The following ROBO1 variants were observed in gnomAD, a reference collection of about 807,000 sequenced individuals.
ROBO1 encodes the protein roundabout guidance receptor 1.
In ROBO1, 149 loss-of-function variants were observed where a neutral mutation model predicts 195.9. That is an observed-to-expected ratio of 0.76 (90% confidence interval 0.67 to 0.87). The LOEUF (loss-of-function observed/expected upper bound fraction) is 0.87, where lower values mean the gene tolerates loss of function less well. Ranked by LOEUF, ROBO1 falls within the 40% of genes least tolerant of loss-of-function variation. The probability of loss-of-function intolerance (pLI) is 0.00; values close to 1 mark genes in which losing one functional copy is unlikely to be tolerated. For missense variants in ROBO1, 1,933 were observed against 2,068.3 expected, an observed-to-expected ratio of 0.93 and a Z score of 1.27; for synonymous variants, 816 against 733.2, an observed-to-expected ratio of 1.11 and a Z score of -1.82.
At chr3:79,728,712 G>A (rs1306190566) in intron 1 of ROBO1, among the ~76,000 whole-genome samples, 2 of 152,010 alleles carry the variant, frequency 1.3e-5, no homozygotes, top group African/African-American at 4.8e-5. Context: ...AATAGCATAA[G>A]CCAGAAAAAG....
chr3:79,727,864 G>A (rs1702984817), intron 1 of ROBO1, among the ~76,000 whole-genome samples: 1 of 152,078 alleles, frequency 6.6e-6, no homozygotes, highest in African/African-American at 2.4e-5. Flanking sequence ...ACATTTTAGA[G>A]ACAACACATA....
intron 2 of ROBO1, among the ~76,000 whole-genome samples, chr3:79,511,317 C>T (rs1940692135): frequency 6.6e-6 from 1 of 151,888 alleles, no homozygotes; most frequent in Admixed American, 6.6e-5. Context: ...TAAATACTAC[C>T]CAACATTATT....
intron 3 of ROBO1, among the ~76,000 whole-genome samples, chr3:79,023,018 G>A (rs1221521853): frequency 1.3e-5 from 2 of 152,138 alleles, no homozygotes; most frequent in Admixed American, 6.5e-5. Context: ...CACTTACTCC[G>A]ATGAGTAGGA....
chr3:79,601,203 C>T (rs1463362142), intron 1 of ROBO1, among the ~76,000 whole-genome samples: 2 of 151,736 alleles, frequency 1.3e-5, no homozygotes, highest in Non-Finnish European at 2.9e-5. Context: ...AAATTCTAAA[C>T]GAAAGCACCA....
At chr3:79,179,588 G>A (rs1004353637) in intron 2 of ROBO1, among the ~76,000 whole-genome samples, 3 of 152,176 alleles carry the variant, frequency 2.0e-5, no homozygotes, top group African/African-American at 7.2e-5. Flanking sequence ...GAATATAATG[G>A]GTATTTTCAT....
chr3:79,015,237 T>C (rs964599263), intron 3 of ROBO1, among the ~76,000 whole-genome samples: 13 of 152,030 alleles, frequency 8.6e-5, no homozygotes, highest in African/African-American at 3.1e-4. Context: ...ACTAGCCAGA[T>C]CGTATCGGAA....
intron 1 of ROBO1, among the ~76,000 whole-genome samples, chr3:79,738,496 G>T (rs1703485063): frequency 1.3e-5 from 2 of 152,176 alleles, no homozygotes; most frequent in African/African-American, 4.8e-5. Flanking sequence ...CCTCCAGTTA[G>T]AAAATAATAA....
intron 1 of ROBO1, among the ~76,000 whole-genome samples, chr3:79,713,484 A>G (rs886377640): frequency 6.6e-6 from 1 of 152,142 alleles, no homozygotes; most frequent in Admixed American, 6.6e-5. Flanking sequence ...TTCCTGGGTT[A>G]CTTAGAAGAG....
At chr3:79,134,021 G>A (rs2080347240) in intron 2 of ROBO1, among the ~76,000 whole-genome samples, 1 of 151,270 alleles carries the variant, frequency 6.6e-6, no homozygotes, top group Non-Finnish European at 1.5e-5. Context: ...GGCAACAAAA[G>A]CCAAAATTGA....
At chr3:79,723,760 AACTT>A (rs1440251768) in intron 1 of ROBO1, among the ~76,000 whole-genome samples, 1 of 151,300 alleles carries the variant, frequency 6.6e-6, no homozygotes, top group African/African-American at 2.4e-5. Flanking sequence ...AGTAATATGA[AACTT>A]AATTAAACTT....
At chr3:79,276,847 G>A (rs1168098788) in intron 2 of ROBO1, among the ~76,000 whole-genome samples, 3 of 151,866 alleles carry the variant, frequency 2.0e-5, no homozygotes, top group African/African-American at 7.3e-5. Flanking sequence ...CATACAAATG[G>A]CAACAGGTTT....
At chr3:79,163,999 C>A (rs1409047219) in intron 2 of ROBO1, among the ~76,000 whole-genome samples, 1 of 152,066 alleles carries the variant, frequency 6.6e-6, no homozygotes, top group African/African-American at 2.4e-5. Flanking sequence ...AGATCTCACC[C>A]TGCAATTAAA....
rs756094816 is a variant in ROBO1 at position 78,688,737 on chromosome 3, C to T, written c.1081G>A (p.Val361Ile). The T allele has an allele frequency of 6.2e-7, 1 of 1,609,410 alleles. No homozygotes were observed. Among genetic ancestry groups the T allele is most frequent in the Non-Finnish European group, 8.5e-7 (1 of 1,177,788 alleles). The change falls in exon 9 of 31, where the codon GTT (valine) becomes ATT (isoleucine). Residue 361 changes from valine (V) to isoleucine (I), a missense_variant. Val to Ile is a conservative substitution (Grantham distance 29). Coordinates refer to ENST00000464233, the MANE Select transcript of ROBO1 (RefSeq NM_002941.4). ...GTTACAGTCCGTCCCAAAGCAACAACCTGGTCACGGGGTTTCACAACAAAA... is the reference window on the plus strand; with the variant it reads ...GTTACAGTCCGTCCCAAAGCAACAATCTGGTCACGGGGTTTCACAACAAAA... ...PHFVVKPRDQ[V>I]VALGRTVTFQ...
At chr3:79,688,916 C>T (rs1003223727) in intron 1 of ROBO1, among the ~76,000 whole-genome samples, 6 of 151,990 alleles carry the variant, frequency 3.9e-5, no homozygotes, top group African/African-American at 1.4e-4. Context: ...AAATTATCTA[C>T]AATTTATCAA....
chr3:79,542,454 CAT>C (rs1053111836), intron 2 of ROBO1, among the ~76,000 whole-genome samples: 3 of 151,952 alleles, frequency 2.0e-5, no homozygotes, highest in African/African-American at 7.2e-5. Flanking sequence ...GAAAAACTGA[CAT>C]ATTTTATTTT....
chr3:79,338,111 T>C (rs944124759), intron 2 of ROBO1, among the ~76,000 whole-genome samples: 1 of 152,210 alleles, frequency 6.6e-6, no homozygotes, highest in Non-Finnish European at 1.5e-5. Flanking sequence ...AAGTGTTGAA[T>C]TCCTAATTGT....
chr3:79,673,344 G>A lies in ROBO1; in HGVS notation c.-50-83383C>T, dbSNP rs941928300. On this transcript the variant is annotated intron_variant, in intron 1 of 30. Transcript: ENST00000464233. ...TGTGTGGGTGTGGGTGTGTGAGGGT[G>A]TGTATAATTTTTAGATCGTAACCAG... 1.3e-5 allele frequency among the ~76,000 whole-genome samples: 2 copies of A among 151,888 alleles called. 1 individual carries two copies. The highest frequency in any genetic ancestry group is 4.1e-4 in the South Asian group (2 of 4,836).
intron 2 of ROBO1, among the ~76,000 whole-genome samples, chr3:79,425,072 C>T (rs146524333): frequency 1.1e-4 from 17 of 152,282 alleles, no homozygotes; most frequent in East Asian, 5.8e-4. Context: ...CTGACTCACT[C>T]GTCAACATTC....
chr3:78,691,844 T>G (rs17016453), intron 8 of ROBO1, among the ~76,000 whole-genome samples: 46,367 of 152,038 alleles, frequency 0.3, 7,799 homozygotes, highest in African/African-American at 0.46. Flanking sequence ...ACACTATCTT[T>G]TCATTGAAAT....
Sources: allele counts gnomAD v4.1 joint callset (sites outside exome capture counted in the v4.1 genomes callset), GRCh38; gene constraint gnomAD v4.1.1; transcripts MANE v1.5; gene names NCBI Gene and HGNC (gene_info 2026-07-23, HGNC 2026-07-21).